The following LCLAT1 variants were observed in gnomAD, a reference collection of about 807,000 sequenced individuals.
LCLAT1 encodes the protein lysocardiolipin acyltransferase 1.
Under a neutral mutation model 30.7 loss-of-function variants are expected in LCLAT1, and 11 were observed. That is an observed-to-expected ratio of 0.36 (90% CI 0.23 to 0.59). The LOEUF is 0.59. Ranked by LOEUF, LCLAT1 falls within the 20% of genes least tolerant of loss-of-function variation. LCLAT1 has a pLI of 0.77. For synonymous variants in LCLAT1, 155 were observed against 151.3 expected, an observed-to-expected ratio of 1.02 and a Z score of -0.18; for missense variants, 402 against 458.6, an observed-to-expected ratio of 0.88 and a Z score of 1.13.
chr2:30,482,034 A>G (rs986671606), intron 1 of LCLAT1, among the ~76,000 whole-genome samples: 2 of 152,198 alleles, frequency 1.3e-5, no homozygotes, highest in African/African-American at 4.8e-5. Context: ...GAGAACTAGT[A>G]TTATAAATAA....
In LCLAT1 at chr2:30,633,979, T is replaced by C. The variant is rs143752327; in HGVS notation, c.629-6138T>C. 1.7e-4 allele frequency among the ~76,000 whole-genome samples: 26 copies of C among 152,346 alleles called. No individual in the cohort carries two copies. In the South Asian group the frequency reaches 2.5e-3, roughly 15 times the overall value. ...CATTCTCAGTGAGCTGGGACTCTTA[T>C]AATAGTCGTGGGCTCAGCTTGATGT... On this transcript the variant is annotated intron_variant, in intron 5 of 5. Transcript: ENST00000379509.
intron 1 of LCLAT1, among the ~76,000 whole-genome samples, chr2:30,497,141 C>A (rs775754777): frequency 1.3e-5 from 2 of 152,368 alleles, no homozygotes; most frequent in South Asian, 4.1e-4. Flanking sequence ...TGTATACCCT[C>A]TAGACTCAGC....
intron 4 of LCLAT1, among the ~76,000 whole-genome samples, chr2:30,563,254 C>T (rs1006482736): frequency 1.3e-5 from 2 of 152,082 alleles, no homozygotes; most frequent in Non-Finnish European, 2.9e-5. Context: ...CTTAAAAAGA[C>T]TGAAAACAAA....
chr2:30,613,128 T>C (rs1362262667), intron 5 of LCLAT1, among the ~76,000 whole-genome samples: 3 of 152,090 alleles, frequency 2.0e-5, no homozygotes, highest in Non-Finnish European at 2.9e-5. Flanking sequence ...AGAGATGCAG[T>C]GTGGCTAGAC....
At chr2:30,629,487 G>A (rs1234727303) in intron 5 of LCLAT1, among the ~76,000 whole-genome samples, 3 of 152,176 alleles carry the variant, frequency 2.0e-5, no homozygotes, top group Admixed American at 2.0e-4. Flanking sequence ...TTGAACCCGG[G>A]AAGTGGAAGT....
At chr2:30,511,400 C>T (rs1684931948) in intron 1 of LCLAT1, among the ~76,000 whole-genome samples, 1 of 152,114 alleles carries the variant, frequency 6.6e-6, no homozygotes, top group South Asian at 2.1e-4. Flanking sequence ...CTGTGCTGTT[C>T]AATACTGTGG....
At chr2:30,544,504 A>G (rs1664305064) in intron 3 of LCLAT1, among the ~76,000 whole-genome samples, 1 of 152,174 alleles carries the variant, frequency 6.6e-6, no homozygotes, top group South Asian at 2.1e-4. Context: ...AAATATAAAA[A>G]TATTCTGTTT....
chr2:30,598,958 TTGAG>T (rs1037909494), intron 5 of LCLAT1, among the ~76,000 whole-genome samples: 5 of 151,538 alleles, frequency 3.3e-5, no homozygotes, highest in East Asian at 3.9e-4. Flanking sequence ...TTGTATGATT[TTGAG>T]TGAGTTTCTT....
chr2:30,610,584 T>C (rs139955809), intron 5 of LCLAT1, among the ~76,000 whole-genome samples: 1 of 152,276 alleles, frequency 6.6e-6, no homozygotes, highest in East Asian at 1.9e-4. Flanking sequence ...TGAATAGTTA[T>C]ATAAGCCTAG....
At chr2:30,604,955 GC>G (rs1667365380) in intron 5 of LCLAT1, among the ~76,000 whole-genome samples, 1 of 152,142 alleles carries the variant, frequency 6.6e-6, no homozygotes, top group Non-Finnish European at 1.5e-5. Flanking sequence ...TGTCCTTGCC[GC>G]CCCCACACAC....
intron 1 of LCLAT1, among the ~76,000 whole-genome samples, chr2:30,494,228 C>T (rs1266216818): frequency 6.6e-6 from 1 of 151,616 alleles, no homozygotes; most frequent in Non-Finnish European, 1.5e-5. Context: ...GTCTTAAAAC[C>T]AAAAAACAAA....
chr2:30,482,958 C>T (rs1198183146), intron 1 of LCLAT1, among the ~76,000 whole-genome samples: 1 of 151,926 alleles, frequency 6.6e-6, no homozygotes, highest in East Asian at 1.9e-4. Context: ...CTGTCATGGC[C>T]AAGAGGAGCC....
At position 30,559,178 on chromosome 2, in the gene LCLAT1, G is replaced by A. The variant is rs374641042; in HGVS notation, c.365-2968G>A. Among the ~76,000 whole-genome samples the A allele has an allele frequency of 1.6e-4, 24 of 152,246 alleles. 1 individual carries two copies. In the East Asian group the frequency reaches 3.9e-3, roughly 24 times the overall value. On this transcript the variant is annotated intron_variant, in intron 3 of 5. Transcript: ENST00000379509. Reference sequence around the variant, plus strand: ...GAAGTTGGAGTATTGGTTTTCTTTTGGGAGGGGAAGTATTGACTGGAAATA... The same window carrying A: ...GAAGTTGGAGTATTGGTTTTCTTTTAGGAGGGGAAGTATTGACTGGAAATA...
chr2:30,596,102 G>A (rs1004638211), intron 5 of LCLAT1, among the ~76,000 whole-genome samples: 18 of 152,096 alleles, frequency 1.2e-4, no homozygotes, highest in African/African-American at 2.9e-4. Flanking sequence ...AAATACATGC[G>A]TGCATGTATC....
At chr2:30,600,906 T>C (rs1244959864) in intron 5 of LCLAT1, among the ~76,000 whole-genome samples, 1 of 152,184 alleles carries the variant, frequency 6.6e-6, no homozygotes, top group Non-Finnish European at 1.5e-5. Flanking sequence ...TCTCCCTGTC[T>C]CTTTCAGGTG....
chr2:30,510,204 C>G (rs1435742931), intron 1 of LCLAT1, among the ~76,000 whole-genome samples: 1 of 151,856 alleles, frequency 6.6e-6, no homozygotes, highest in African/African-American at 2.4e-5. Context: ...CTCTTACTTG[C>G]TGTATTTCAG....
At chr2:30,630,471 C>T (rs1668715319) in intron 5 of LCLAT1, among the ~76,000 whole-genome samples, 1 of 152,068 alleles carries the variant, frequency 6.6e-6, no homozygotes. Context: ...TTTTTTTCTT[C>T]TATAGACTTA....
intron 5 of LCLAT1, among the ~76,000 whole-genome samples, chr2:30,615,787 T>G (rs1667968372): frequency 6.6e-6 from 1 of 152,156 alleles, no homozygotes; most frequent in Non-Finnish European, 1.5e-5. Flanking sequence ...GGTAAGGAAT[T>G]TATCTGGGAA....
chr2:30,603,091 T>G (rs1328314246), intron 5 of LCLAT1, among the ~76,000 whole-genome samples: 1 of 152,134 alleles, frequency 6.6e-6, no homozygotes, highest in African/African-American at 2.4e-5. Context: ...GCTGCTTCAG[T>G]GAAATAATAT....
Sources: allele counts gnomAD v4.1 joint callset (sites outside exome capture counted in the v4.1 genomes callset), GRCh38; gene constraint gnomAD v4.1.1; transcripts MANE v1.5; gene names NCBI Gene and HGNC (gene_info 2026-07-23, HGNC 2026-07-21).